The following LRPPRC variants were observed in gnomAD, a reference collection of about 807,000 sequenced individuals.
LRPPRC encodes the protein leucine rich pentatricopeptide repeat containing.
In LRPPRC, 120 loss-of-function variants were observed where a neutral mutation model predicts 180.3. That is an observed-to-expected ratio of 0.67 (90% CI 0.57 to 0.77). The LOEUF is 0.77. Among genes scored for constraint, LRPPRC ranks in the 30% least tolerant of loss-of-function variants. The pLI is 0.00. For missense variants in LRPPRC, 2,012 were observed against 1,657.2 expected, an observed-to-expected ratio of 1.21 and a Z score of -3.72; for synonymous variants, 723 against 600.0, an observed-to-expected ratio of 1.21 and a Z score of -3.00.
chr2:43,949,732 C>A (rs967208889), intron 15 of LRPPRC, 73 bp from the exon 16 acceptor site: 11 of 1,029,014 alleles, frequency 1.1e-5, no homozygotes, highest in African/African-American at 1.6e-5. Context: ...AAATTGAATT[C>A]TTGAAATAAT....
At position 43,982,388 on chromosome 2, in the gene LRPPRC, T is replaced by C; in HGVS notation, c.196A>G (p.Lys66Glu). The C allele has an allele frequency of 6.2e-7, 1 of 1,614,112 alleles. No individual in the cohort carries two copies. Among genetic ancestry groups the C allele is most frequent in the Non-Finnish European group, 8.5e-7 (1 of 1,179,976 alleles). Reference sequence around the variant, plus strand: ...AAAGTGGACTCCTCTTGAATATCTTTTTCTTTGGCAGCAATGGCATACAGC... The same window carrying C: ...AAAGTGGACTCCTCTTGAATATCTTCTTCTTTGGCAGCAATGGCATACAGC... ...ARLYAIAAKE[K>E]DIQEESTFSS... The change falls in exon 2 of 38, where the codon AAA becomes GAA. Residue 66 changes from lysine (K) to glutamate (E), a missense_variant. Lys to Glu is a moderately conservative substitution (Grantham distance 56, BLOSUM62 1). Transcript: ENST00000260665.
chr2:43,904,701 C>CAAAACAAA (rs1671005873), intron 31 of LRPPRC: 1 of 116,026 alleles, frequency 8.6e-6, no homozygotes, highest in Admixed American at 8.4e-5. Flanking sequence ...TCAAAAAAAA[C>CAAAACAAA]AAAAACAAAA....
chr2:43,992,159 G>T (rs761094264), intron 1 of LRPPRC, among the ~76,000 whole-genome samples: 1 of 152,192 alleles, frequency 6.6e-6, no homozygotes, highest in Non-Finnish European at 1.5e-5. Flanking sequence ...TCAAATGGGA[G>T]AGGCAGTCAA....
At chr2:43,996,133 T>C (rs1675066447), upstream of LRPPRC, 1 of 548,396 alleles carries the variant, frequency 1.8e-6, no homozygotes, top group Admixed American at 3.7e-5. Flanking sequence ...CCCAATGTAA[T>C]ATTTACATAA....
intron 12 of LRPPRC, 73 bp downstream of exon 12, chr2:43,963,514 GT>G (rs1348869830): frequency 1.1e-6 from 1 of 942,652 alleles, no homozygotes; most frequent in East Asian, 2.4e-5. Context: ...TGACTTTTTT[GT>G]GTGTCAACAC....
At chr2:43,889,914 G>C in intron 36 of LRPPRC, 38 bp from the exon 37 acceptor site, 1 of 1,500,106 alleles carries the variant, frequency 6.7e-7, no homozygotes, top group Non-Finnish European at 9.3e-7. Flanking sequence ...CAGAGATAAA[G>C]ACAACCTATC....
intron 29 of LRPPRC, among the ~76,000 whole-genome samples, chr2:43,916,322 G>A (rs1036835339): frequency 3.5e-4 from 53 of 152,072 alleles, no homozygotes; most frequent in African/African-American, 1.2e-3. Context: ...AGTATAAGAA[G>A]TCTAAGTAAA....
chr2:43,886,998 T>A lies in LRPPRC; in HGVS notation c.*1602A>T, dbSNP rs1247189071. The A allele has an allele frequency of 6.6e-6, 1 of 151,722 alleles. No homozygotes were observed. The highest frequency in any genetic ancestry group is 1.5e-5 in the Non-Finnish European group (1 of 67,960). 9.4% of individuals were successfully genotyped at this position (151,722 alleles called of 1,614,324 possible). On this transcript the variant is annotated 3_prime_UTR_variant, in exon 38 of 38. Coordinates refer to ENST00000260665, the MANE Select transcript of LRPPRC (RefSeq NM_133259.4). Reference sequence around the variant, plus strand: ...AACTCCGTCTTTACCATACAAAAATTAGCTGAACATGGTGGTGCAAGCCTG... The same window carrying A: ...AACTCCGTCTTTACCATACAAAAATAAGCTGAACATGGTGGTGCAAGCCTG...
At chr2:43,953,345 C>T (rs1672978339) in intron 14 of LRPPRC, among the ~76,000 whole-genome samples, 1 of 152,060 alleles carries the variant, frequency 6.6e-6, no homozygotes, top group African/African-American at 2.4e-5. Flanking sequence ...TCTTTATCTA[C>T]AATAAGAAAA....
chr2:43,982,492 G>C, intron 1 of LRPPRC, 58 bp from the exon 2 acceptor site: 1 of 1,338,932 alleles, frequency 7.5e-7, no homozygotes, highest in Non-Finnish European at 1.1e-6. Flanking sequence ...GTCATTTTTT[G>C]AACAAAACTT....
At chr2:43,900,580 C>G (rs1208055290) in intron 32 of LRPPRC, among the ~76,000 whole-genome samples, 1 of 151,998 alleles carries the variant, frequency 6.6e-6, no homozygotes, top group Non-Finnish European at 1.5e-5. Flanking sequence ...AAGGGAAGTT[C>G]TATCTGGCGA....
chr2:43,970,741 T>C (rs1390079471), intron 11 of LRPPRC, among the ~76,000 whole-genome samples: 1 of 152,224 alleles, frequency 6.6e-6, no homozygotes, highest in African/African-American at 2.4e-5. Context: ...GACTGTTTCA[T>C]TCCACAGGAT....
At chr2:43,946,051 T>A in intron 21 of LRPPRC, 62 bp downstream of exon 21, 1 of 1,500,874 alleles carries the variant, frequency 6.7e-7, no homozygotes, top group Non-Finnish European at 9.3e-7. Context: ...ATCTAGATAA[T>A]CTATCAAGGT....
In LRPPRC at chr2:43,886,647, T is replaced by A. The variant is rs1670280091; in HGVS notation, c.*1953A>T. Reference sequence around the variant, plus strand: ...TACCAGAGTCCATATACAGGGCCAGTGTGGAGTCACTTCATGCAAATGAGA... The same window carrying A: ...TACCAGAGTCCATATACAGGGCCAGAGTGGAGTCACTTCATGCAAATGAGA... On this transcript the variant is annotated 3_prime_UTR_variant, in exon 38 of 38. Transcript: ENST00000260665. 2 of 152,220 alleles carry A rather than the reference T, an allele frequency of 1.3e-5. No homozygotes were observed. The highest frequency in any genetic ancestry group is 4.8e-5 in the African/African-American group (2 of 41,450). 9.4% of individuals were successfully genotyped at this position (152,220 alleles called of 1,614,324 possible).
chr2:43,996,026 C>A, upstream of LRPPRC: 1 of 1,443,390 alleles, frequency 6.9e-7, no homozygotes, highest in Non-Finnish European at 9.3e-7. Context: ...TAGCCTGGCG[C>A]GGCAGAGACC....
At chr2:43,906,429 G>A (rs185837581) in intron 30 of LRPPRC, among the ~76,000 whole-genome samples, 2 of 152,200 alleles carry the variant, frequency 1.3e-5, no homozygotes, top group African/African-American at 4.8e-5. Flanking sequence ...AAAATCACTT[G>A]ACTTTTCAAT....
chr2:43,945,714 T>C (rs533434250), intron 21 of LRPPRC, among the ~76,000 whole-genome samples: 2 of 152,216 alleles, frequency 1.3e-5, no homozygotes, highest in East Asian at 1.9e-4. Context: ...TCACGAATAC[T>C]TGACATTTTT....
At chr2:43,974,833 C>G (rs756515233) in intron 7 of LRPPRC, 75 bp from the exon 8 acceptor site, 47 of 1,458,642 alleles carry the variant, frequency 3.2e-5, no homozygotes, top group Non-Finnish European at 3.8e-5. Flanking sequence ...ATAAAATATC[C>G]AGATTCAAAA....
chr2:43,936,041 C>A (rs1572940803), intron 23 of LRPPRC, among the ~76,000 whole-genome samples: 1 of 152,084 alleles, frequency 6.6e-6, no homozygotes, highest in Non-Finnish European at 1.5e-5. Flanking sequence ...TGAGATCGTG[C>A]CATTGCACTC....
Sources: allele counts gnomAD v4.1 joint callset (sites outside exome capture counted in the v4.1 genomes callset), GRCh38; gene constraint gnomAD v4.1.1; transcripts MANE v1.5; gene names NCBI Gene and HGNC (gene_info 2026-07-23, HGNC 2026-07-21).